GNG2: variants seen among roughly 807,000 people sequenced by gnomAD.
The protein encoded by GNG2 is G protein subunit gamma 2.
In GNG2, 5 loss-of-function variants were observed where a neutral mutation model predicts 5.5. The observed-to-expected ratio is 0.91, with a 90% CI of 0.48 to 1.92. The LOEUF is 1.92. Ranked by LOEUF, GNG2 falls within the 30% of genes most tolerant of loss-of-function variation. The pLI, the probability that GNG2 is intolerant of heterozygous loss-of-function variation, is 0.01. For synonymous variants in GNG2, 28 were observed against 32.0 expected (o/e 0.88, Z 0.42); for missense variants, 55 against 88.4 (o/e 0.62, Z 1.52).
chr14:51,891,154 C>T (rs961611281), intron 2 of GNG2, among the ~76,000 whole-genome samples: 4 of 152,200 alleles, frequency 2.6e-5, no homozygotes, highest in African/African-American at 9.6e-5. Flanking sequence ...GATTAGCCTT[C>T]GTTCTCCCCG....
intron 2 of GNG2, among the ~76,000 whole-genome samples, chr14:51,848,026 C>T (rs1566643116): frequency 6.6e-6 from 1 of 151,758 alleles, no homozygotes; most frequent in Non-Finnish European, 1.5e-5. Context: ...CTTCACTCCA[C>T]ACTGCCCCCT....
At chr14:51,826,609 A>G (rs1881036428) in intron 1 of GNG2, among the ~76,000 whole-genome samples, 1 of 152,204 alleles carries the variant, frequency 6.6e-6, no homozygotes, top group Non-Finnish European at 1.5e-5. Flanking sequence ...GGAGGCATTG[A>G]CCTGAAACAG....
chr14:51,908,209 GCC>G, intron 2 of GNG2, among the ~76,000 whole-genome samples: 1 of 152,152 alleles, frequency 6.6e-6, no homozygotes, highest in Non-Finnish European at 1.5e-5. Context: ...CTTGGTCGGG[GCC>G]TCTCCATAGA....
At chr14:51,915,508 A>G (rs1258988586) in intron 2 of GNG2, among the ~76,000 whole-genome samples, 1 of 152,160 alleles carries the variant, frequency 6.6e-6, no homozygotes, top group Non-Finnish European at 1.5e-5. Context: ...AAGGAAACAA[A>G]TCGAATTTGG....
intron 2 of GNG2, among the ~76,000 whole-genome samples, chr14:51,892,430 G>T (rs1434485499): frequency 6.6e-6 from 1 of 151,866 alleles, no homozygotes; most frequent in Non-Finnish European, 1.5e-5. Flanking sequence ...TCCTGCCTCT[G>T]CTGGGACTAC....
At chr14:51,873,203 G>C (rs946592849) in intron 1 of GNG2, among the ~76,000 whole-genome samples, 2 of 152,120 alleles carry the variant, frequency 1.3e-5, no homozygotes, top group Non-Finnish European at 2.9e-5. Flanking sequence ...TATGATACTA[G>C]GCACAAGATA....
rs531321237 is a variant in GNG2 at position 51,909,093 on chromosome 14, A to G, written c.-30+31436A>G. On this transcript the variant is annotated intron_variant, in intron 2 of 3. Coordinates refer to ENST00000556766, the MANE Select transcript of GNG2 (RefSeq NM_053064.5). Reference sequence around the variant, plus strand: ...CTGAATCTCATTGTTTTCACTTAACAGTATATTATGGATATCTTTCAATGT... The same window carrying G: ...CTGAATCTCATTGTTTTCACTTAACGGTATATTATGGATATCTTTCAATGT... Among the ~76,000 whole-genome samples, 4 of 152,266 alleles carry G rather than the reference A, an allele frequency of 2.6e-5. No individual in the cohort carries two copies. In the South Asian group the frequency reaches 8.3e-4, roughly 32 times the overall value.
At chr14:51,909,932 C>G (rs1437704471) in intron 2 of GNG2, among the ~76,000 whole-genome samples, 1 of 152,124 alleles carries the variant, frequency 6.6e-6, no homozygotes, top group Non-Finnish European at 1.5e-5. Context: ...AGCATACAAA[C>G]TGAGAAAAGA....
At chr14:51,931,165 GTGTGA>G in intron 2 of GNG2, among the ~76,000 whole-genome samples, 1 of 152,302 alleles carries the variant, frequency 6.6e-6, no homozygotes, top group Middle Eastern at 3.4e-3. Flanking sequence ...GGCCAGGCTA[GTGTGA>G]TAGCAGTAGA....
intron 2 of GNG2, among the ~76,000 whole-genome samples, chr14:51,852,205 C>T (rs1469684490): frequency 1.3e-5 from 2 of 152,142 alleles, no homozygotes; most frequent in East Asian, 1.9e-4. Context: ...GTATAATGAA[C>T]AAACTTGCCA....
At chr14:51,884,958 C>G (rs1884345521) in intron 2 of GNG2, among the ~76,000 whole-genome samples, 1 of 152,088 alleles carries the variant, frequency 6.6e-6, no homozygotes, top group Admixed American at 6.5e-5. Context: ...TTTCTGGTCC[C>G]AAGGCAGTAA....
intron 2 of GNG2, among the ~76,000 whole-genome samples, chr14:51,835,187 G>C (rs1453704964): frequency 6.6e-6 from 1 of 152,192 alleles, no homozygotes; most frequent in Non-Finnish European, 1.5e-5. Context: ...GAAGCTGAGA[G>C]TCAACAATTA....
chr14:51,946,609 C>T (rs143728077), intron 2 of GNG2, among the ~76,000 whole-genome samples: 118 of 152,242 alleles, frequency 7.8e-4, no homozygotes, highest in African/African-American at 2.6e-3. Flanking sequence ...TTTCCAGTTG[C>T]GGTCATCTTC....
chr14:51,950,899 TA>T (rs1348729731), intron 3 of GNG2, 134 bp downstream of exon 3: 3 of 466,686 alleles, frequency 6.4e-6, no homozygotes, highest in Non-Finnish European at 1.2e-5. Context: ...AGTTCATTTC[TA>T]ACGTGTCTTT....
chr14:51,850,166 G>A (rs1199716498), intron 2 of GNG2, among the ~76,000 whole-genome samples: 3 of 152,048 alleles, frequency 2.0e-5, no homozygotes, highest in Admixed American at 2.0e-4. Flanking sequence ...TTCAGCTTCT[G>A]TTGTTTTCAT....
At chr14:51,944,316 T>A (rs1888517245) in intron 2 of GNG2, among the ~76,000 whole-genome samples, 1 of 152,226 alleles carries the variant, frequency 6.6e-6, no homozygotes, top group Non-Finnish European at 1.5e-5. Flanking sequence ...GATAAGGTCC[T>A]GGTGAGGGTT....
intron 2 of GNG2, among the ~76,000 whole-genome samples, chr14:51,899,129 C>G (rs1382513015): frequency 6.6e-6 from 1 of 152,188 alleles, no homozygotes; most frequent in Non-Finnish European, 1.5e-5. Flanking sequence ...GTCTCTACAG[C>G]ATATTTCTTG....
At chr14:51,843,167 CA>C (rs148506575) in intron 2 of GNG2, among the ~76,000 whole-genome samples, 1 of 152,256 alleles carries the variant, frequency 6.6e-6, no homozygotes, top group Non-Finnish European at 1.5e-5. Flanking sequence ...GAAAGGTCTT[CA>C]GGGGAGAGGG....
chr14:51,833,269 C>A (rs1165540501), intron 2 of GNG2, among the ~76,000 whole-genome samples: 2 of 152,194 alleles, frequency 1.3e-5, no homozygotes, highest in Admixed American at 6.5e-5. Flanking sequence ...AATTTTCACA[C>A]CACCCCCAAA....
Sources: allele counts gnomAD v4.1 joint callset (sites outside exome capture counted in the v4.1 genomes callset), GRCh38; gene constraint gnomAD v4.1.1; transcripts MANE v1.5; gene names NCBI Gene and HGNC (gene_info 2026-07-23, HGNC 2026-07-21).